The following TNKS variants were observed in gnomAD, a reference collection of about 807,000 sequenced individuals.
TNKS encodes the protein tankyrase.
A neutral mutation model predicts 135.8 loss-of-function variants in TNKS; 72 were observed. The ratio of observed to expected loss-of-function variants is 0.53; its 90% CI spans 0.44 to 0.64. The LOEUF is 0.64. TNKS is among the 30% of genes least tolerant of loss of function. TNKS has a pLI of 0.00. For synonymous variants in TNKS, 849 were observed against 649.3 expected, an observed-to-expected ratio of 1.31 and a Z score of -4.68; for missense variants, 1,769 against 1,674.0, an observed-to-expected ratio of 1.06 and a Z score of -0.99.
chr8:9,574,090 G>A (rs373331304), intron 1 of TNKS, among the ~76,000 whole-genome samples: 5 of 152,156 alleles, frequency 3.3e-5, no homozygotes, highest in African/African-American at 1.2e-4. Flanking sequence ...TTGGGGTTAG[G>A]CTATGTGTTA....
At chr8:9,579,572 G>T (rs995853318) in intron 1 of TNKS, among the ~76,000 whole-genome samples, 2 of 152,170 alleles carry the variant, frequency 1.3e-5, no homozygotes, top group African/African-American at 4.8e-5. Flanking sequence ...AGGTTCAAGC[G>T]ATTCTCGTGC....
In TNKS at chr8:9,730,772, A is replaced by G. The variant is rs148488676; in HGVS notation, c.2002-118A>G. 4 of 1,174,374 alleles carry G rather than the reference A, an allele frequency of 3.4e-6. No homozygotes were observed. In the East Asian group the frequency reaches 9.9e-5, roughly 29 times the overall value. The allele number at this position is 1,174,374 out of a possible 1,614,324, so 72.7% of individuals were successfully genotyped here. On this transcript the variant is annotated intron_variant, in intron 13 of 26. Coordinates refer to ENST00000310430, the MANE Select transcript of TNKS (RefSeq NM_003747.3). ...TTGTATTGTCTAATCTTTGGAAATA[A>G]ATATTCATTAGACAATTATAATTTA...
At position 9,779,694 on chromosome 8, in the gene TNKS, G is replaced by T. The variant is rs148415547; in HGVS notation, c.*2958G>T. ...TCTTGGGTCTTAAAAAAGGAGACCA[G>T]ATACCTCCTAGCTTTTGTATCACAA... On this transcript the variant is annotated 3_prime_UTR_variant, in exon 27 of 27. Coordinates refer to ENST00000310430, the MANE Select transcript of TNKS (RefSeq NM_003747.3). The T allele has an allele frequency of 6.6e-6, 1 of 152,286 alleles. No homozygotes were observed. The highest frequency in any genetic ancestry group is 1.9e-4 in the East Asian group (1 of 5,188). 9.4% of individuals were successfully genotyped at this position (152,286 alleles called of 1,614,324 possible).
In TNKS at chr8:9,776,880, T is replaced by A; in HGVS notation, c.*144T>A. The A allele has an allele frequency of 1.4e-6, 1 of 712,670 alleles. No individual in the cohort carries two copies. Among genetic ancestry groups the A allele is most frequent in the Non-Finnish European group, 2.3e-6 (1 of 431,362 alleles). 44.1% of individuals were successfully genotyped at this position (712,670 alleles called of 1,614,324 possible). ...TGTCTTCTATAAAGCATTGCTATAG[T>A]GATGAATAGTATGAGTAACTGATAC... On this transcript the variant is annotated 3_prime_UTR_variant, in exon 27 of 27. Transcript: ENST00000310430.
chr8:9,698,625 A>C (rs142839520), intron 5 of TNKS, among the ~76,000 whole-genome samples: 1 of 152,342 alleles, frequency 6.6e-6, no homozygotes, highest in East Asian at 1.9e-4. Flanking sequence ...GCCAGAATGC[A>C]AAACCAGGAT....
chr8:9,601,909 C>T (rs1799030997), intron 2 of TNKS, among the ~76,000 whole-genome samples: 1 of 151,994 alleles, frequency 6.6e-6, no homozygotes, highest in Admixed American at 6.5e-5. Flanking sequence ...AATGCAGTAG[C>T]CCAATATATA....
chr8:9,741,273 C>G (rs1354631821), intron 17 of TNKS, among the ~76,000 whole-genome samples: 1 of 152,100 alleles, frequency 6.6e-6, no homozygotes, highest in Non-Finnish European at 1.5e-5. Context: ...ATCGGTAGAA[C>G]TGAAATTAGA....
At chr8:9,744,660 A>G (rs1806144196) in intron 17 of TNKS, among the ~76,000 whole-genome samples, 2 of 152,212 alleles carry the variant, frequency 1.3e-5, no homozygotes, top group Non-Finnish European at 1.5e-5. Context: ...TTGCTCTTAT[A>G]TACTGTGTTG....
At chr8:9,576,226 A>T (rs1797938794) in intron 1 of TNKS, among the ~76,000 whole-genome samples, 2 of 152,168 alleles carry the variant, frequency 1.3e-5, no homozygotes, top group Admixed American at 6.5e-5. Flanking sequence ...GTCTGAGCAA[A>T]ATTGAGTCTT....
chr8:9,734,265 G>A (rs1003923324), intron 15 of TNKS, among the ~76,000 whole-genome samples: 12 of 152,024 alleles, frequency 7.9e-5, no homozygotes, highest in Non-Finnish European at 1.6e-4. Flanking sequence ...GTCTGTGGCC[G>A]ACCCATAATA....
chr8:9,719,160 T>C (rs969592722), intron 11 of TNKS, among the ~76,000 whole-genome samples: 15 of 152,236 alleles, frequency 9.9e-5, no homozygotes, highest in Admixed American at 9.8e-4. Context: ...GAGTTAAATA[T>C]GTTACTATTT....
At chr8:9,577,645 C>T (rs765405537) in intron 1 of TNKS, among the ~76,000 whole-genome samples, 7 of 152,186 alleles carry the variant, frequency 4.6e-5, no homozygotes, top group Non-Finnish European at 7.3e-5. Flanking sequence ...CCATGATCCA[C>T]TCACCTACCA....
At chr8:9,597,248 A>T (rs1585211557) in intron 2 of TNKS, among the ~76,000 whole-genome samples, 1 of 152,342 alleles carries the variant, frequency 6.6e-6, no homozygotes, top group African/African-American at 2.4e-5. Flanking sequence ...AAGTTAAATG[A>T]AAGAATATAG....
intron 2 of TNKS, among the ~76,000 whole-genome samples, chr8:9,582,974 G>A (rs1322489173): frequency 6.6e-6 from 1 of 151,954 alleles, no homozygotes; most frequent in African/African-American, 2.4e-5. Flanking sequence ...AGACCATCCT[G>A]GCTAACACGG....
At chr8:9,613,689 G>A (rs1454170494) in intron 2 of TNKS, among the ~76,000 whole-genome samples, 1 of 152,150 alleles carries the variant, frequency 6.6e-6, no homozygotes, top group Admixed American at 6.5e-5. Context: ...TCAAGTAAAT[G>A]TTTACTTCTT....
rs536949691 is a variant in TNKS at position 9,630,195 on chromosome 8, A to G, written c.994+14518A>G. The stretch of plus-strand genomic sequence containing the variant: ...GACTTTCAGTACTGGCTTCATAACA[A>G]GTCGATTTTTTTCTCCTTTGTTCAT... On this transcript the variant is annotated intron_variant, in intron 3 of 26. Coordinates refer to ENST00000310430, the MANE Select transcript of TNKS (RefSeq NM_003747.3). Among the ~76,000 whole-genome samples the G allele has an allele frequency of 7.9e-5, 12 of 152,286 alleles. No homozygotes were observed. The East Asian group carries it at 2.3e-3, about 29-fold the overall frequency.
chr8:9,643,764 T>C (rs1477888773), intron 3 of TNKS, among the ~76,000 whole-genome samples: 2 of 152,306 alleles, frequency 1.3e-5, no homozygotes, highest in South Asian at 4.1e-4. Context: ...GCAATTCTGC[T>C]TCTGGGTATA....
At chr8:9,765,122 T>A (rs1045676139) in intron 23 of TNKS, among the ~76,000 whole-genome samples, 2 of 152,170 alleles carry the variant, frequency 1.3e-5, no homozygotes, top group African/African-American at 4.8e-5. Flanking sequence ...CATTTGAGAG[T>A]TGCATCAAAG....
At chr8:9,706,151 A>C in intron 6 of TNKS, 36 bp from the exon 7 acceptor site, 1 of 1,502,514 alleles carries the variant, frequency 6.7e-7, no homozygotes, top group Non-Finnish European at 9.0e-7. Context: ...AAGTTGTTTG[A>C]AATTTAAGTA....
Sources: gnomAD v4.1 joint callset for allele counts (sites outside exome capture counted in the v4.1 genomes callset) on GRCh38, gnomAD v4.1.1 for gene constraint, MANE v1.5 for transcripts, NCBI Gene and HGNC (gene_info 2026-07-23, HGNC 2026-07-21) for gene names.